Variants in PCDHGB4 observed in about 807,000 individuals in gnomAD.
PCDHGB4 encodes the protein protocadherin gamma-B4.
A neutral mutation model predicts 60.5 loss-of-function variants in PCDHGB4; 38 were observed. The observed-to-expected ratio is 0.63, with a 90% CI of 0.48 to 0.82. PCDHGB4 has a LOEUF of 0.82. Ranked by LOEUF, PCDHGB4 falls within the 40% of genes least tolerant of loss-of-function variation. PCDHGB4 has a pLI of 0.00. For synonymous variants in PCDHGB4, 456 were observed against 509.7 expected (o/e 0.89, Z 1.42); for missense variants, 1,109 against 1,209.6 (o/e 0.92, Z 1.23).
intron 1 of PCDHGB4, chr5:141,420,054 G>A (rs1355002535): frequency 6.2e-7 from 1 of 1,614,070 alleles, no homozygotes; most frequent in East Asian, 2.2e-5. Context: ...TCAGTTCTCT[G>A]CTCCAAGTCC....
At chr5:141,495,286 A>T (rs1341490472) in intron 2 of PCDHGB4, among the ~76,000 whole-genome samples, 2 of 152,088 alleles carry the variant, frequency 1.3e-5, no homozygotes, top group Non-Finnish European at 2.9e-5. Context: ...GGCGGTCCGC[A>T]CTCAGCGCCT....
intron 1 of PCDHGB4, chr5:141,468,401 C>G (rs943048252): frequency 6.7e-6 from 1 of 149,126 alleles, no homozygotes; most frequent in Non-Finnish European, 1.5e-5. Flanking sequence ...TTGGTGAGAA[C>G]TAATAATAAG....
intron 1 of PCDHGB4, among the ~76,000 whole-genome samples, chr5:141,425,068 A>G (rs1484760901): frequency 6.6e-6 from 1 of 152,174 alleles, no homozygotes; most frequent in African/African-American, 2.4e-5. Context: ...GGACAAAAAT[A>G]ATTTCAACTG....
chr5:141,428,546 A>C (rs1476382847), intron 1 of PCDHGB4: 1 of 263,642 alleles, frequency 3.8e-6, no homozygotes, highest in Non-Finnish European at 7.5e-6. Flanking sequence ...ATGACACCAG[A>C]AACAGTCCCC....
In PCDHGB4 at chr5:141,443,822, A is replaced by G. The variant is rs183934410; in HGVS notation, c.2398-50985A>G. ...GAAACAGTTACCTTTGGAAAACATAATTAGGTAAAATGGGTAATATGGAAA... is the reference window on the plus strand; with the variant it reads ...GAAACAGTTACCTTTGGAAAACATAGTTAGGTAAAATGGGTAATATGGAAA... On this transcript the variant is annotated intron_variant, in intron 1 of 3. Coordinates refer to ENST00000519479, the MANE Select transcript of PCDHGB4 (RefSeq NM_003736.4). Among the ~76,000 whole-genome samples, 330 of 152,316 alleles carry G rather than the reference A, an allele frequency of 2.2e-3. 2 individuals carry two copies. Among genetic ancestry groups the G allele is most frequent in the Non-Finnish European group, 4.1e-3 (279 of 68,018 alleles).
chr5:141,408,540 C>G (rs201370009), intron 1 of PCDHGB4: 4 of 1,613,928 alleles, frequency 2.5e-6, no homozygotes, highest in Non-Finnish European at 3.4e-6. Flanking sequence ...GTGGAAAATC[C>G]TTTAAATATT....
chr5:141,403,299 T>A (rs1247528606), intron 1 of PCDHGB4: 1 of 1,613,896 alleles, frequency 6.2e-7, no homozygotes, highest in Admixed American at 1.7e-5. Flanking sequence ...AGAGTGAAAC[T>A]GTACGGAATA....
intron 1 of PCDHGB4, chr5:141,441,746 C>A: frequency 5.4e-6 from 2 of 371,314 alleles, no homozygotes; most frequent in East Asian, 9.8e-5. Flanking sequence ...TCGCGCTCGG[C>A]GTCAACGTGA....
chr5:141,410,844 TTTGTC>T, intron 1 of PCDHGB4: 1 of 422,400 alleles, frequency 2.4e-6, no homozygotes, highest in Non-Finnish European at 3.9e-6. Context: ...ATATTTTGTC[TTTGTC>T]TTTTTTTTTT....
rs766516627 is a variant in PCDHGB4 at position 141,398,178 on chromosome 5, C to G, written c.2397+7897C>G. The G allele has an allele frequency of 8.2e-6, 12 of 1,472,146 alleles. No individual in the cohort carries two copies. The South Asian group carries it at 8.4e-5, about 10-fold the overall frequency. The allele number at this position is 1,472,146 out of a possible 1,614,324, so 91.2% of individuals were successfully genotyped here. A position where few individuals can be genotyped will look rare whatever the true frequency, so the allele number is the denominator to read the frequency against. ...GCCGGGCTGAGAGGCTGCCAGTGCT[C>G]TTTCTCTTCCTGCTGTCTTTGTTCT... On this transcript the variant is annotated intron_variant, in intron 1 of 3. Coordinates refer to ENST00000519479, the MANE Select transcript of PCDHGB4 (RefSeq NM_003736.4).
At chr5:141,410,195 G>C (rs769655902) in intron 1 of PCDHGB4, 1 of 1,613,966 alleles carries the variant, frequency 6.2e-7, no homozygotes, top group South Asian at 1.1e-5. Flanking sequence ...TCTGGTCTTC[G>C]CAGACAACTT....
chr5:141,475,950 C>A, intron 1 of PCDHGB4: 1 of 761,530 alleles, frequency 1.3e-6, no homozygotes, highest in African/African-American at 1.7e-5. Flanking sequence ...CCCCTTTCTG[C>A]GCCCCGGGAT....
At chr5:141,407,238 T>C (rs538322072) in intron 1 of PCDHGB4, among the ~76,000 whole-genome samples, 1 of 152,338 alleles carries the variant, frequency 6.6e-6, no homozygotes, top group East Asian at 1.9e-4. Context: ...AAATAAAGCA[T>C]ACTTCAGGCT....
intron 1 of PCDHGB4, chr5:141,403,212 CG>C (rs1561686781): frequency 6.2e-7 from 1 of 1,613,952 alleles, no homozygotes; most frequent in African/African-American, 1.3e-5. Context: ...TTGGTCACCG[CG>C]GGTAGGATAG....
intron 1 of PCDHGB4, among the ~76,000 whole-genome samples, chr5:141,488,118 A>G (rs1054356891): frequency 2.7e-4 from 41 of 152,190 alleles, no homozygotes; most frequent in Non-Finnish European, 2.9e-5. Context: ...AAACATAGAG[A>G]CAGCAGAAAG....
In PCDHGB4 at chr5:141,486,157, AG is replaced by A. The variant is rs1562110605; in HGVS notation, c.2398-8649del. 1 of 1,614,208 alleles carries A rather than the reference AG, an allele frequency of 6.2e-7. No homozygotes were observed. Among genetic ancestry groups the A allele is most frequent in the Admixed American group, 1.7e-5 (1 of 60,026 alleles). On this transcript the variant is annotated intron_variant, in intron 1 of 3. Coordinates refer to ENST00000519479, the MANE Select transcript of PCDHGB4 (RefSeq NM_003736.4). This position sits in a 1 kb window ranked among gnomAD's most constrained non-coding sequence, Gnocchi z 5.0. ...TGCGGGCTCGCGATGGGGGTTCTCC[AG>A]CCATGGAGCAACATTGCAGCCTTCG...
Position 141,489,866 on chromosome 5 carries a change from A to AGCTGGT in PCDHGB4, c.2398-4937_2398-4932dup. ...GATCGTGAAGCCCAGGCAAGACATC[A>AGCTGGT]GCTGGTGCTTACTGCTGTGGATGGG... On this transcript the variant is annotated intron_variant, in intron 1 of 3. Coordinates refer to ENST00000519479, the MANE Select transcript of PCDHGB4 (RefSeq NM_003736.4). The surrounding 1 kb of genome is among the most constrained non-coding windows in gnomAD (Gnocchi z 4.5). The AGCTGGT allele has an allele frequency of 1.2e-6, 2 of 1,614,220 alleles. No individual in the cohort carries two copies. The highest frequency in any genetic ancestry group is 1.7e-6 in the Non-Finnish European group (2 of 1,180,018).
chr5:141,468,853 G>A (rs893773356), intron 1 of PCDHGB4, among the ~76,000 whole-genome samples: 7 of 151,000 alleles, frequency 4.6e-5, no homozygotes, highest in Admixed American at 6.6e-5. Context: ...GCAACAGAGC[G>A]AGACTCCATC....
Position 141,486,534 on chromosome 5 carries a change from C to G in PCDHGB4, c.2398-8273C>G. The stretch of plus-strand genomic sequence containing the variant: ...TCAGATGTGAATGATAATCCACCCT[C>G]TTTCTTTCAGAGGTCACATGAGGTG... On this transcript the variant is annotated intron_variant, in intron 1 of 3. Transcript: ENST00000519479. The surrounding 1 kb of genome is among the most constrained non-coding windows in gnomAD (Gnocchi z 5.0). 1 of 1,614,176 alleles carries G rather than the reference C, an allele frequency of 6.2e-7. No individual in the cohort carries two copies. Among genetic ancestry groups the G allele is most frequent in the Non-Finnish European group, 8.5e-7 (1 of 1,180,030 alleles).
Sources: gnomAD v4.1 joint callset for allele counts (sites outside exome capture counted in the v4.1 genomes callset) on GRCh38, gnomAD v4.1.1 for gene constraint, Gnocchi (gnomAD v3.1) non-coding constraint, MANE v1.5 for transcripts, NCBI Gene and HGNC (gene_info 2026-07-23, HGNC 2026-07-21) for gene names.